The following PPHLN1 variants were observed in gnomAD, a reference collection of about 807,000 sequenced individuals.
PPHLN1 encodes periphilin-1.
A neutral mutation model predicts 51.3 loss-of-function variants in PPHLN1; 29 were observed. The ratio of observed to expected loss-of-function variants is 0.57; its 90% confidence interval spans 0.42 to 0.77. PPHLN1 has a LOEUF of 0.77. Among genes scored for constraint, PPHLN1 ranks in the 30% least tolerant of loss-of-function variants. PPHLN1 has a pLI of 0.00. For missense variants in PPHLN1, 436 were observed against 438.4 expected, an observed-to-expected ratio of 0.99 and a Z score of 0.05; for synonymous variants, 147 against 147.8, an observed-to-expected ratio of 0.99 and a Z score of 0.04.
At chr12:42,414,580 G>C (rs1005454270) in intron 9 of PPHLN1, among the ~76,000 whole-genome samples, 28 of 152,054 alleles carry the variant, frequency 1.8e-4, no homozygotes, top group African/African-American at 6.5e-4. Context: ...TTCTCAGCTT[G>C]GTCGTTGTTG....
intron 5 of PPHLN1, among the ~76,000 whole-genome samples, chr12:42,376,589 C>A (rs999945461): frequency 1.3e-5 from 2 of 152,096 alleles, no homozygotes; most frequent in African/African-American, 4.8e-5. Context: ...GAGTTTGAGA[C>A]CAGCCTGGGC....
chr12:42,385,457 A>C (rs1290930675), intron 6 of PPHLN1, among the ~76,000 whole-genome samples: 3 of 152,186 alleles, frequency 2.0e-5, no homozygotes, highest in Non-Finnish European at 4.4e-5. Context: ...ATTGGTTGAT[A>C]ACGACTTAAA....
intron 1 of PPHLN1, among the ~76,000 whole-genome samples, chr12:42,329,124 C>T (rs1299769694): frequency 1.5e-5 from 2 of 137,464 alleles, no homozygotes; most frequent in African/African-American, 2.9e-5. Flanking sequence ...GTGTGTGTGA[C>T]GGAGTCTCAC....
chr12:42,362,483 G>A (rs963148540), intron 4 of PPHLN1, among the ~76,000 whole-genome samples: 3 of 152,236 alleles, frequency 2.0e-5, no homozygotes, highest in Admixed American at 6.5e-5. Context: ...ACATGTCCAC[G>A]TCATTCTTTG....
intron 9 of PPHLN1, among the ~76,000 whole-genome samples, chr12:42,406,378 C>G (rs556099755): frequency 1.2e-4 from 19 of 152,268 alleles, no homozygotes; most frequent in Non-Finnish European, 1.6e-4. Flanking sequence ...CCGTGCCCGG[C>G]CTCTGTTTTT....
intron 7 of PPHLN1, among the ~76,000 whole-genome samples, chr12:42,388,562 T>C (rs190917908): frequency 1.6e-3 from 242 of 152,296 alleles, no homozygotes; most frequent in African/African-American, 5.6e-3. Flanking sequence ...AGACCGGTGC[T>C]GGTGCAGGTC....
intron 9 of PPHLN1, among the ~76,000 whole-genome samples, chr12:42,436,494 G>A (rs2082496950): frequency 6.6e-6 from 1 of 152,158 alleles, no homozygotes; most frequent in South Asian, 2.1e-4. Flanking sequence ...TCTCATGAGT[G>A]CCTCAAGTGA....
intron 4 of PPHLN1, among the ~76,000 whole-genome samples, chr12:42,368,433 A>G (rs903005356): frequency 1.3e-5 from 2 of 152,202 alleles, no homozygotes; most frequent in Non-Finnish European, 2.9e-5. Context: ...TGATGAAAAG[A>G]CTAAAACCTG....
chr12:42,343,243 TCA>T (rs1435542335), intron 2 of PPHLN1, among the ~76,000 whole-genome samples: 1 of 152,246 alleles, frequency 6.6e-6, no homozygotes. Context: ...TTCAAAATCT[TCA>T]CAGGCATATT....
intron 4 of PPHLN1, chr12:42,361,806 C>T (rs2074721317): frequency 6.6e-6 from 1 of 152,162 alleles, no homozygotes. Context: ...TTGTTTTCAA[C>T]TTTTGGCATT....
At chr12:42,446,135 C>G, downstream of PPHLN1, 3 of 1,578,896 alleles carry the variant, frequency 1.9e-6, no homozygotes, top group Non-Finnish European at 2.6e-6. Flanking sequence ...GACGACACAG[C>G]TTCGTCGGAC....
chr12:42,330,972 G>T (rs1246382994), intron 1 of PPHLN1, among the ~76,000 whole-genome samples: 1 of 152,222 alleles, frequency 6.6e-6, no homozygotes, highest in Non-Finnish European at 1.5e-5. Context: ...GCCTCCCAAA[G>T]TGCTGGGATT....
intron 9 of PPHLN1, among the ~76,000 whole-genome samples, chr12:42,400,798 T>TTCACACA (rs1555209232): frequency 8.2e-4 from 117 of 142,618 alleles, no homozygotes; most frequent in African/African-American, 2.8e-3. Flanking sequence ...TCTCTCTCTT[T>TTCACACA]CACACACACA....
At chr12:42,441,032 T>C (rs2082903241) in intron 9 of PPHLN1, among the ~76,000 whole-genome samples, 2 of 152,262 alleles carry the variant, frequency 1.3e-5, no homozygotes. Context: ...TGATGTCCTT[T>C]GAGTAGACTG....
Position 42,351,990 on chromosome 12 carries a change from G to C in PPHLN1, c.178G>C (p.Asp60His). 6.4e-7 allele frequency: 1 copy of C among 1,570,826 alleles called. No individual in the cohort carries two copies. Among genetic ancestry groups the C allele is most frequent in the Non-Finnish European group, 8.6e-7 (1 of 1,163,520 alleles). ...ATATTACAGTCATGTTGATTACCGA[G>C]ACTATGACGAGGGCCGCAGTTTTTC... ...NRYYSHVDYR[D>H]YDEGRSFSHD... The change falls in exon 3 of 10, where the codon GAC (aspartate) becomes CAC (histidine). Residue 60 changes from aspartate to histidine, a missense_variant. Asp to His is a moderately conservative substitution (Grantham distance 81). Transcript: ENST00000358314.
intron 4 of PPHLN1, among the ~76,000 whole-genome samples, chr12:42,364,785 G>A (rs1034523088): frequency 3.3e-5 from 5 of 152,154 alleles, no homozygotes; most frequent in African/African-American, 1.2e-4. Flanking sequence ...TCTGGGTATG[G>A]TGGCATGCTC....
intron 9 of PPHLN1, among the ~76,000 whole-genome samples, chr12:42,413,524 ATATGTGTG>A (rs773826616): frequency 1.5e-3 from 184 of 119,110 alleles, no homozygotes; most frequent in African/African-American, 4.5e-3. Context: ...ATATATATGT[ATATGTGTG>A]TGTGTGTGTG....
At chr12:42,373,015 C>T (rs1241193810) in intron 4 of PPHLN1, among the ~76,000 whole-genome samples, 1 of 152,192 alleles carries the variant, frequency 6.6e-6, no homozygotes, top group Non-Finnish European at 1.5e-5. Flanking sequence ...GCTCCTGTCC[C>T]ATCTAAGATA....
chr12:42,441,572 T>C lies in PPHLN1; in HGVS notation c.*63T>C. ...TCTAAAAATTTTTTTTCCTGGATTG[T>C]GTAAATCCTTAATATATGGAATTTT... On this transcript the variant is annotated 3_prime_UTR_variant, in exon 10 of 10. Coordinates refer to ENST00000358314, the MANE Select transcript of PPHLN1 (RefSeq NM_201439.2). The C allele has an allele frequency of 7.0e-7, 1 of 1,426,850 alleles. No individual in the cohort carries two copies. The highest frequency in any genetic ancestry group is 9.2e-7 in the Non-Finnish European group (1 of 1,091,274). The allele number at this position is 1,426,850 out of a possible 1,614,324, so 88.4% of individuals were successfully genotyped here.
Sources: allele counts gnomAD v4.1 joint callset (sites outside exome capture counted in the v4.1 genomes callset), GRCh38; gene constraint gnomAD v4.1.1; transcripts MANE v1.5; gene names NCBI Gene and HGNC (gene_info 2026-07-23, HGNC 2026-07-21).